The following IWS1 variants were observed in gnomAD, a reference collection of about 807,000 sequenced individuals.
IWS1 encodes the protein protein IWS1 homolog.
IWS1 carries 27 observed loss-of-function variants against 86.7 expected under a neutral mutation model. The ratio of observed to expected loss-of-function variants is 0.31; its 90% CI spans 0.23 to 0.43. The LOEUF (loss-of-function observed/expected upper bound fraction) is 0.43. IWS1 is among the 20% of genes least tolerant of loss of function. The probability of loss-of-function intolerance (pLI) is 1.00; values close to 1 mark genes in which losing one functional copy is unlikely to be tolerated. For synonymous variants in IWS1, 313 were observed against 335.1 expected (o/e 0.93, Z 0.72); for missense variants, 827 against 1,000.8 (o/e 0.83, Z 2.34).
chr2:127,494,659 T>G, intron 8 of IWS1: 1 of 361,388 alleles, frequency 2.8e-6, no homozygotes, highest in Admixed American at 4.6e-5. Flanking sequence ...TTTTCTTTCG[T>G]TAGTATCAAT....
Position 127,498,203 on chromosome 2 carries a change from C to A in IWS1, c.1502G>T (p.Gly501Val), listed in dbSNP as rs142529758. The A allele has an allele frequency of 1.4e-5, 23 of 1,591,852 alleles. No individual in the cohort carries two copies. The highest frequency in any genetic ancestry group is 2.0e-5 in the Non-Finnish European group (23 of 1,159,966). Reference sequence around the variant, plus strand: ...TTCTGCTTCTTTTACCTGTGTTTCACCTTTTTCTTCTTCCAGATCTTCTTG... The same window carrying A: ...TTCTGCTTCTTTTACCTGTGTTTCAACTTTTTCTTCTTCCAGATCTTCTTG... ...FNQEDLEEEK[G>V]ETQVKEAEDS... Residue 501 changes from glycine to valine, a missense_variant, in exon 6 of 14, where the codon GGT (glycine) becomes GTT (valine). Gly to Val is a moderately radical substitution (Grantham distance 109). Around this residue, in one of 2 missense-constraint regions of IWS1, gnomAD observed 279 missense variants for 440.6 expected, o/e 0.63. Coordinates refer to ENST00000295321, the MANE Select transcript of IWS1 (RefSeq NM_017969.3).
At chr2:127,516,287 T>C (rs565180525) in intron 2 of IWS1, among the ~76,000 whole-genome samples, 4 of 152,174 alleles carry the variant, frequency 2.6e-5, no homozygotes, top group Admixed American at 2.0e-4. Flanking sequence ...ACCTGGGCAG[T>C]GAGCCGAGAT....
At chr2:127,496,946 A>G (rs1419421404) in intron 6 of IWS1, among the ~76,000 whole-genome samples, 2 of 152,230 alleles carry the variant, frequency 1.3e-5, no homozygotes, top group South Asian at 2.1e-4. Flanking sequence ...CACTGCCTAC[A>G]GCATTCAGTA....
chr2:127,526,199 C>T lies in IWS1; in HGVS notation c.10G>A (p.Glu4Lys), dbSNP rs1692403578. The change falls in exon 1 of 14, where the codon GAA becomes AAA. Residue 4 changes from glutamate (E) to lysine (K), a missense_variant. Glu to Lys is a moderately conservative substitution (Grantham distance 56). This residue lies in a region of IWS1 where 548 missense variants were observed against 560.2 expected (regional missense o/e 0.98). Transcript: ENST00000295321. ...CCTGACTGGTCGCCGCTGTAATATTCCGAGTCCATGGCAGGCGGACTCTCA... is the reference window on the plus strand; with the variant it reads ...CCTGACTGGTCGCCGCTGTAATATTTCGAGTCCATGGCAGGCGGACTCTCA... Reference protein sequence around the residue: MDSEYYSGDQSDDG... With the variant: MDSKYYSGDQSDDG... 6.3e-7 allele frequency: 1 copy of T among 1,595,224 alleles called. No individual in the cohort carries two copies.
chr2:127,493,092 A>G (rs1690317937), intron 9 of IWS1, 189 bp downstream of exon 9: 1 of 443,792 alleles, frequency 2.3e-6, no homozygotes, highest in South Asian at 5.2e-5. Flanking sequence ...TCAATGCGAT[A>G]GTTACATGAA....
At chr2:127,495,537 G>A (rs2104677805) in intron 7 of IWS1, among the ~76,000 whole-genome samples, 1 of 152,278 alleles carries the variant, frequency 6.6e-6, no homozygotes, top group East Asian at 1.9e-4. Flanking sequence ...AATCCATGCT[G>A]AACTCTCAAC....
intron 10 of IWS1, 101 bp downstream of exon 10, chr2:127,491,870 C>T (rs1263022013): frequency 9.5e-6 from 7 of 737,088 alleles, no homozygotes; most frequent in East Asian, 2.5e-5. Flanking sequence ...TTTACCGACT[C>T]GTTTAAAACA....
At chr2:127,502,037 G>C (rs554473641) in intron 5 of IWS1, among the ~76,000 whole-genome samples, 1 of 152,160 alleles carries the variant, frequency 6.6e-6, no homozygotes, top group East Asian at 1.9e-4. Context: ...TATTACTATT[G>C]TCATCATTAC....
chr2:127,510,553 C>A (rs1284441956), intron 2 of IWS1, among the ~76,000 whole-genome samples: 1 of 152,112 alleles, frequency 6.6e-6, no homozygotes, highest in Non-Finnish European at 1.5e-5. Context: ...AGTGCAGTAG[C>A]ATAACCATAG....
At chr2:127,493,451 T>C (rs752321064) in intron 8 of IWS1, 41 bp from the exon 9 acceptor site, 53 of 1,551,194 alleles carry the variant, frequency 3.4e-5, no homozygotes, top group Non-Finnish European at 4.4e-5. Flanking sequence ...TGAACCTTGG[T>C]TCTACTGTAT....
intron 6 of IWS1, 52 bp from the exon 7 acceptor site, chr2:127,496,200 A>G: frequency 1.3e-6 from 2 of 1,556,260 alleles, no homozygotes; most frequent in Non-Finnish European, 1.7e-6. Flanking sequence ...TTAAATACAC[A>G]TTTACTTTCA....
At chr2:127,496,736 A>C (rs1376395301) in intron 6 of IWS1, among the ~76,000 whole-genome samples, 1 of 151,964 alleles carries the variant, frequency 6.6e-6, no homozygotes, top group Admixed American at 6.6e-5. Flanking sequence ...ATGCCTGGCT[A>C]ATTTTTTAAA....
At chr2:127,515,257 G>A (rs1377269725) in intron 2 of IWS1, among the ~76,000 whole-genome samples, 1 of 152,204 alleles carries the variant, frequency 6.6e-6, no homozygotes, top group East Asian at 1.9e-4. Flanking sequence ...TGATGGGGAG[G>A]ATGTGTTACT....
chr2:127,524,480 A>G (rs1391013229), intron 1 of IWS1, among the ~76,000 whole-genome samples: 1 of 151,206 alleles, frequency 6.6e-6, no homozygotes, highest in Admixed American at 6.6e-5. Flanking sequence ...CAGCCCCAAT[A>G]CTTTAAAAAA....
intron 2 of IWS1, among the ~76,000 whole-genome samples, chr2:127,522,283 C>T (rs1416301411): frequency 1.3e-5 from 2 of 152,200 alleles, no homozygotes; most frequent in Admixed American, 1.3e-4. Context: ...CCTCCCTTCA[C>T]ACCTTGGTTC....
chr2:127,525,903 G>A (rs771657144), intron 1 of IWS1, among the ~76,000 whole-genome samples: 1 of 152,192 alleles, frequency 6.6e-6, no homozygotes. Context: ...CTCCTTCCCT[G>A]CACACAATAG....
At chr2:127,526,661 C>A, upstream of IWS1, 1 of 1,320,836 alleles carries the variant, frequency 7.6e-7, no homozygotes, top group Non-Finnish European at 1.0e-6. Context: ...CCTGGTCTGA[C>A]CCCCGTGGTA....
intron 13 of IWS1, among the ~76,000 whole-genome samples, chr2:127,483,497 A>G (rs535769909): frequency 4.7e-4 from 71 of 150,138 alleles, no homozygotes; most frequent in Middle Eastern, 3.4e-3. Context: ...AGGATAGACC[A>G]TTATGCAGCC....
At position 127,486,572 on chromosome 2, in the gene IWS1, A is replaced by C; in HGVS notation, c.2309T>G (p.Val770Gly). Residue 770 changes from valine to glycine, a missense_variant, in exon 13 of 14, where the codon GTG (valine) becomes GGG (glycine). By Grantham distance (109) the Val-to-Gly change is moderately radical. Coordinates refer to ENST00000295321, the MANE Select transcript of IWS1 (RefSeq NM_017969.3). ...GCTTACCCTGGATGACTCCATTTCC[A>C]CATTCCATTTGGGCCTGACAACATA... Reference protein sequence around the residue: ...KDYVVRPKWNVEMESSRFQAT... With the variant: ...KDYVVRPKWNGEMESSRFQAT... The C allele has an allele frequency of 6.2e-7, 1 of 1,613,852 alleles. No individual in the cohort carries two copies. The highest frequency in any genetic ancestry group is 8.5e-7 in the Non-Finnish European group (1 of 1,179,768).
Sources: gnomAD v4.1 joint callset for allele counts (sites outside exome capture counted in the v4.1 genomes callset) on GRCh38, gnomAD v4.1.1 for gene constraint, gnomAD v4.1.1 regional missense constraint, MANE v1.5 for transcripts, NCBI Gene and HGNC (gene_info 2026-07-23, HGNC 2026-07-21) for gene names.